Variants in RSU1 observed in about 807,000 individuals in gnomAD.
The protein encoded by RSU1 is Ras suppressor protein 1, also known as rsu-1.
RSU1 carries 26 observed loss-of-function variants against 31.1 expected under a neutral mutation model. The observed-to-expected ratio is 0.84, with a 90% CI of 0.61 to 1.16. The LOEUF (loss-of-function observed/expected upper bound fraction) is 1.16, where lower values mean the gene tolerates loss of function less well. Ranked by LOEUF, RSU1 falls within the 50% of genes most tolerant of loss-of-function variation. The pLI, the probability that RSU1 is intolerant of heterozygous loss-of-function variation, is 0.00. For synonymous variants in RSU1, 164 were observed against 136.3 expected (o/e 1.20, Z -1.41); for missense variants, 320 against 339.1 (o/e 0.94, Z 0.44).
At chr10:16,636,857 C>T (rs755926404) in intron 8 of RSU1, among the ~76,000 whole-genome samples, 12 of 152,166 alleles carry the variant, frequency 7.9e-5, no homozygotes, top group Admixed American at 6.5e-5. Context: ...CCTCACATCC[C>T]CTACCCCTCA....
intron 8 of RSU1, among the ~76,000 whole-genome samples, chr10:16,627,849 T>A (rs558118882): frequency 2.0e-5 from 3 of 152,108 alleles, no homozygotes; most frequent in Non-Finnish European, 4.4e-5. Flanking sequence ...CTAAGAAATG[T>A]TGGCTTCTCT....
rs558418129 is a variant in RSU1, at chr10:16,621,190, G to A, written c.732-27694C>T. The stretch of plus-strand genomic sequence containing the variant: ...GGTTGTCAATTGTCACACCTTGGGC[G>A]CCTGTGGGGGTGTGTTATTGGCATC... On this transcript the variant is annotated intron_variant, in intron 8 of 8. Coordinates refer to ENST00000345264, the MANE Select transcript of RSU1 (RefSeq NM_012425.4). 2.1e-4 allele frequency among the ~76,000 whole-genome samples: 32 copies of A among 152,274 alleles called. No individual in the cohort carries two copies. The East Asian group carries it at 3.5e-3, about 17-fold the overall frequency.
At chr10:16,795,941 G>A (rs1027349265) in intron 2 of RSU1, among the ~76,000 whole-genome samples, 9 of 152,048 alleles carry the variant, frequency 5.9e-5, no homozygotes, top group African/African-American at 9.7e-5. Flanking sequence ...AGCTCTCTGC[G>A]TCCGCCTCAA....
chr10:16,643,530 T>C (rs1007773267), intron 8 of RSU1, among the ~76,000 whole-genome samples: 5 of 152,192 alleles, frequency 3.3e-5, no homozygotes, highest in African/African-American at 1.2e-4. Context: ...CTTCTCCTCC[T>C]TCCAAGAATT....
chr10:16,640,638 C>T (rs1449388093), intron 8 of RSU1, among the ~76,000 whole-genome samples: 2 of 152,240 alleles, frequency 1.3e-5, no homozygotes. Context: ...CCCCCTGCTG[C>T]CACAGGGCCT....
chr10:16,678,708 A>C (rs1835275185), intron 8 of RSU1, among the ~76,000 whole-genome samples: 1 of 152,184 alleles, frequency 6.6e-6, no homozygotes, highest in African/African-American at 2.4e-5. Context: ...TAGGACATTC[A>C]ATAGGTACCA....
At chr10:16,650,586 T>TTTC (rs1834665208) in intron 8 of RSU1, among the ~76,000 whole-genome samples, 1 of 149,426 alleles carries the variant, frequency 6.7e-6, no homozygotes, top group Admixed American at 6.6e-5. Context: ...CTTTTTTTTT[T>TTTC]TTTTTTTTTG....
chr10:16,766,952 C>T (rs1588521786), intron 3 of RSU1, among the ~76,000 whole-genome samples: 2 of 150,202 alleles, frequency 1.3e-5, no homozygotes, highest in African/African-American at 2.5e-5. Context: ...TTCTGGGAAG[C>T]AGAGGTTGCA....
chr10:16,612,702 T>C (rs1230730304), intron 8 of RSU1, among the ~76,000 whole-genome samples: 1 of 152,240 alleles, frequency 6.6e-6, no homozygotes, highest in Non-Finnish European at 1.5e-5. Flanking sequence ...ATACTGTTCC[T>C]TGCTCTGTTA....
chr10:16,796,842 A>G (rs1838046508), intron 2 of RSU1, among the ~76,000 whole-genome samples: 1 of 152,230 alleles, frequency 6.6e-6, no homozygotes, highest in Admixed American at 6.5e-5. Context: ...AAACTAGGTT[A>G]TAAAGTGTCC....
At chr10:16,607,023 A>G (rs984250073) in intron 8 of RSU1, among the ~76,000 whole-genome samples, 1 of 152,152 alleles carries the variant, frequency 6.6e-6, no homozygotes, top group African/African-American at 2.4e-5. Flanking sequence ...AATCTCATGT[A>G]GAATTGTAGT....
intron 8 of RSU1, among the ~76,000 whole-genome samples, chr10:16,655,055 T>TAAAA (rs780658639): frequency 1.9e-5 from 2 of 103,762 alleles, no homozygotes; most frequent in Non-Finnish European, 3.9e-5. Flanking sequence ...CTTTGTCCCT[T>TAAAA]AAAAAAAAAA....
chr10:16,756,312 G>A (rs79096222), intron 4 of RSU1, among the ~76,000 whole-genome samples: 4,096 of 152,126 alleles, frequency 0.027, 157 homozygotes, highest in African/African-American at 0.081. Context: ...CTACAAAGAC[G>A]GTACATTTTG....
chr10:16,699,795 G>A (rs1418205824), intron 7 of RSU1, among the ~76,000 whole-genome samples: 1 of 152,232 alleles, frequency 6.6e-6, no homozygotes, highest in Non-Finnish European at 1.5e-5. Flanking sequence ...AAGCCAGGCA[G>A]CGCCGTGATT....
chr10:16,682,987 T>C (rs1196311937), intron 8 of RSU1, among the ~76,000 whole-genome samples: 1 of 152,192 alleles, frequency 6.6e-6, no homozygotes, highest in African/African-American at 2.4e-5. Flanking sequence ...GTACCTTTCA[T>C]TCCTAACGCA....
intron 8 of RSU1, among the ~76,000 whole-genome samples, chr10:16,647,465 A>G (rs1834593490): frequency 6.6e-6 from 1 of 152,246 alleles, no homozygotes; most frequent in Admixed American, 6.5e-5. Flanking sequence ...TCACAGAAGC[A>G]TTACTCATAA....
chr10:16,699,749 G>A (rs1835750355), intron 7 of RSU1, among the ~76,000 whole-genome samples: 1 of 152,214 alleles, frequency 6.6e-6, no homozygotes. Flanking sequence ...GATTCACTTT[G>A]CTCACTCCTC....
chr10:16,791,466 C>G (rs1019538428), intron 2 of RSU1, among the ~76,000 whole-genome samples: 1 of 151,712 alleles, frequency 6.6e-6, no homozygotes, highest in African/African-American at 2.4e-5. Context: ...CCATCTCTAC[C>G]GAAGTACAAA....
At chr10:16,718,528 T>C (rs1307848465) in intron 7 of RSU1, among the ~76,000 whole-genome samples, 3 of 152,212 alleles carry the variant, frequency 2.0e-5, no homozygotes, top group Admixed American at 6.5e-5. Flanking sequence ...TGGTGTCCTC[T>C]AATCTAATGG....
Sources: gnomAD v4.1 joint callset for allele counts (sites outside exome capture counted in the v4.1 genomes callset) on GRCh38, gnomAD v4.1.1 for gene constraint, MANE v1.5 for transcripts, NCBI Gene and HGNC (gene_info 2026-07-23, HGNC 2026-07-21) for gene names.